ENTREP1: variants seen among roughly 807,000 people sequenced by gnomAD.
The protein encoded by ENTREP1 is endosomal transmembrane epsin interactor 1.
chr9:69,332,384 T>G, the ENTREP1 span, among the ~76,000 whole-genome samples: 1 of 152,246 alleles, frequency 6.6e-6, no homozygotes, highest in Admixed American at 6.5e-5. Flanking sequence ...AACTTGAATA[T>G]GTGCTGAGTC....
the ENTREP1 span, chr9:69,382,881 T>C: frequency 3.5e-6 from 1 of 284,856 alleles, no homozygotes. Flanking sequence ...TCTTTTTTTT[T>C]CTTTCATTCT....
chr9:69,329,906 G>A, the ENTREP1 span, among the ~76,000 whole-genome samples: 78 of 145,674 alleles, frequency 5.4e-4, no homozygotes, highest in African/African-American at 1.9e-3. Context: ...GATTCCACTG[G>A]GGTATGGGAG....
chr9:69,362,357 G>C, the ENTREP1 span, among the ~76,000 whole-genome samples: 1 of 152,164 alleles, frequency 6.6e-6, no homozygotes, highest in Non-Finnish European at 1.5e-5. Context: ...CTTCTTGATA[G>C]CCTCAGGTTC....
the ENTREP1 span, among the ~76,000 whole-genome samples, chr9:69,370,720 G>A: frequency 0.43 from 66,067 of 152,018 alleles, 14,722 homozygotes; most frequent in African/African-American, 0.53. Context: ...ATGTGAACTT[G>A]TTTACCAGCC....
the ENTREP1 span, chr9:69,324,996 G>C: frequency 1.0e-6 from 1 of 985,350 alleles, no homozygotes; most frequent in South Asian, 4.7e-5. Context: ...GCGCAGGTTC[G>C]GCGGGGACCC....
the ENTREP1 span, among the ~76,000 whole-genome samples, chr9:69,326,097 G>A: frequency 6.6e-6 from 1 of 152,318 alleles, no homozygotes; most frequent in East Asian, 1.9e-4. Flanking sequence ...TCTGTGCTGG[G>A]AGGGCAGGGA....
At chr9:69,339,380 A>G in the ENTREP1 span, among the ~76,000 whole-genome samples, 2 of 152,150 alleles carry the variant, frequency 1.3e-5, no homozygotes. Flanking sequence ...TTATGTCACA[A>G]AAGGGAAAAA....
the ENTREP1 span, chr9:69,388,287 A>C: frequency 3.7e-6 from 6 of 1,614,120 alleles, no homozygotes; most frequent in African/African-American, 8.0e-5. Context: ...ATAGATTACA[A>C]ATCCTACATG....
chr9:69,336,219 C>T, the ENTREP1 span: 1,001 of 1,558,044 alleles, frequency 6.4e-4, 5 homozygotes, highest in African/African-American at 0.013. Flanking sequence ...ACAGGTGATA[C>T]TCTCTGGAAT....
chr9:69,346,510 T>C, the ENTREP1 span, among the ~76,000 whole-genome samples: 2 of 152,242 alleles, frequency 1.3e-5, no homozygotes, highest in Admixed American at 1.3e-4. Context: ...CCCTCTTTTA[T>C]ATAAGATAAA....
At chr9:69,350,929 A>G in the ENTREP1 span, among the ~76,000 whole-genome samples, 1 of 152,200 alleles carries the variant, frequency 6.6e-6, no homozygotes, top group Non-Finnish European at 1.5e-5. Flanking sequence ...TTGATTTTCA[A>G]AAAGATAAAA....
the ENTREP1 span, among the ~76,000 whole-genome samples, chr9:69,347,491 C>A: frequency 2.4e-4 from 37 of 152,338 alleles, no homozygotes; most frequent in Middle Eastern, 0.01. Context: ...AGATTGAGGC[C>A]ATTCCCTTGC....
the ENTREP1 span, chr9:69,329,254 C>A: frequency 4.1e-6 from 2 of 482,844 alleles, no homozygotes; most frequent in Non-Finnish European, 5.4e-6. Context: ...TGAACCCACA[C>A]ATCTTCTTTA....
chr9:69,336,857 C>T, the ENTREP1 span, among the ~76,000 whole-genome samples: 1 of 151,830 alleles, frequency 6.6e-6, no homozygotes, highest in Non-Finnish European at 1.5e-5. Flanking sequence ...CGCCACTGCG[C>T]CCAGCTAATT....
chr9:69,336,617 C>G, the ENTREP1 span, among the ~76,000 whole-genome samples: 1 of 152,142 alleles, frequency 6.6e-6, no homozygotes, highest in African/African-American at 2.4e-5. Context: ...TACCCATCGC[C>G]CAGGTTCCAT....
the ENTREP1 span, among the ~76,000 whole-genome samples, chr9:69,346,107 C>T: frequency 9.2e-3 from 1,392 of 151,276 alleles, 17 homozygotes; most frequent in African/African-American, 0.031. Flanking sequence ...CTCAGCTTCC[C>T]GGGTAGCTGG....
the ENTREP1 span, among the ~76,000 whole-genome samples, chr9:69,369,901 G>C: frequency 2.6e-5 from 4 of 152,120 alleles, no homozygotes; most frequent in African/African-American, 9.7e-5. Context: ...TGGGCTGCTT[G>C]TCTCTTTATT....
the ENTREP1 span, among the ~76,000 whole-genome samples, chr9:69,350,599 T>A: frequency 1.3e-5 from 2 of 152,222 alleles, no homozygotes; most frequent in African/African-American, 4.8e-5. Flanking sequence ...GCATTCTTTT[T>A]CTTTGAGTTC....
At chr9:69,338,551 T>C in the ENTREP1 span, among the ~76,000 whole-genome samples, 1 of 152,226 alleles carries the variant, frequency 6.6e-6, no homozygotes, top group Non-Finnish European at 1.5e-5. Flanking sequence ...CACATATTTA[T>C]TATGTAAGCT....
Sources: gnomAD v4.1 joint callset for allele counts (sites outside exome capture counted in the v4.1 genomes callset) on GRCh38, gnomAD v4.1.1 for gene constraint, MANE v1.5 for transcripts, NCBI Gene and HGNC (gene_info 2026-07-23, HGNC 2026-07-21) for gene names.